GLT1D1: variants seen among roughly 807,000 people sequenced by gnomAD.
GLT1D1 encodes glycosyltransferase 1 domain containing 1, also known as glycosyltransferase 1 domain-containing protein 1.
Under a neutral mutation model 28.7 loss-of-function variants are expected in GLT1D1, and 21 were observed. That is an observed-to-expected ratio of 0.73 (90% CI 0.52 to 1.05). GLT1D1 has a LOEUF of 1.05. Among genes scored for constraint, GLT1D1 ranks in the 50% least tolerant of loss-of-function variants. The probability of loss-of-function intolerance (pLI) is 0.00; values close to 1 mark genes in which losing one functional copy is unlikely to be tolerated. For synonymous variants in GLT1D1, 147 were observed against 124.8 expected (o/e 1.18, Z -1.19); for missense variants, 343 against 330.6 (o/e 1.04, Z -0.29).
At chr12:128,909,361 G>A (rs771234781) in intron 4 of GLT1D1, among the ~76,000 whole-genome samples, 1 of 151,694 alleles carries the variant, frequency 6.6e-6, no homozygotes, top group Admixed American at 6.6e-5. Context: ...AGATTTCTAA[G>A]GGAAAAGAGT....
chr12:128,972,508 C>T (rs967573597), intron 7 of GLT1D1, among the ~76,000 whole-genome samples: 1 of 119,424 alleles, frequency 8.4e-6, no homozygotes, highest in African/African-American at 2.6e-5. Context: ...ACTGGGTGCT[C>T]CTCCTTTCAC....
At chr12:128,867,635 C>T (rs1235895235) in intron 1 of GLT1D1, among the ~76,000 whole-genome samples, 1 of 152,136 alleles carries the variant, frequency 6.6e-6, no homozygotes, top group African/African-American at 2.4e-5. Context: ...CCTCGGGGGT[C>T]CCCCAGCAGG....
intron 1 of GLT1D1, among the ~76,000 whole-genome samples, chr12:128,857,878 G>T (rs1364756833): frequency 6.6e-6 from 1 of 152,194 alleles, no homozygotes; most frequent in Non-Finnish European, 1.5e-5. Context: ...GAATGTATTG[G>T]CCTGGGAAGC....
At chr12:128,889,966 G>T (rs1288281733) in intron 3 of GLT1D1, among the ~76,000 whole-genome samples, 1 of 152,166 alleles carries the variant, frequency 6.6e-6, no homozygotes, top group Non-Finnish European at 1.5e-5. Flanking sequence ...GTAGAGACGG[G>T]GTTTCACCAT....
chr12:128,968,910 C>A (rs1878751636), intron 7 of GLT1D1, among the ~76,000 whole-genome samples: 1 of 152,118 alleles, frequency 6.6e-6, no homozygotes, highest in Admixed American at 6.5e-5. Context: ...CTGCTCTCCC[C>A]CTTCCCTGCT....
intron 1 of GLT1D1, among the ~76,000 whole-genome samples, chr12:128,858,258 C>G (rs1330432641): frequency 1.3e-5 from 2 of 152,122 alleles, no homozygotes; most frequent in Admixed American, 6.6e-5. Flanking sequence ...CAGTCTGACT[C>G]TGGCATAACA....
At chr12:128,947,034 C>T (rs1876194335) in intron 5 of GLT1D1, among the ~76,000 whole-genome samples, 1 of 152,160 alleles carries the variant, frequency 6.6e-6, no homozygotes, top group South Asian at 2.1e-4. Context: ...AAAATGTTCT[C>T]TAAATCATGC....
At chr12:128,934,701 T>C (rs769265778) in intron 4 of GLT1D1, among the ~76,000 whole-genome samples, 21 of 152,184 alleles carry the variant, frequency 1.4e-4, no homozygotes, top group Admixed American at 3.3e-4. Context: ...AAGGTCTCAC[T>C]AAGAGAATTC....
chr12:128,969,768 C>T (rs940030558), intron 7 of GLT1D1, among the ~76,000 whole-genome samples: 1 of 152,228 alleles, frequency 6.6e-6, no homozygotes, highest in African/African-American at 2.4e-5. Context: ...AGCTCAGTCC[C>T]CACCTCTGAG....
At chr12:128,882,369 C>T (rs1470463134) in intron 2 of GLT1D1, among the ~76,000 whole-genome samples, 1 of 151,294 alleles carries the variant, frequency 6.6e-6, no homozygotes, top group Non-Finnish European at 1.5e-5. Context: ...CTCCACCTCC[C>T]GGGTTCAAGC....
At chr12:128,950,922 C>T (rs1006678321) in intron 6 of GLT1D1, among the ~76,000 whole-genome samples, 10 of 152,116 alleles carry the variant, frequency 6.6e-5, no homozygotes, top group African/African-American at 2.4e-4. Context: ...AGGACCTGAA[C>T]TTCCAATTAG....
At chr12:128,951,986 C>A (rs1317650401) in intron 6 of GLT1D1, among the ~76,000 whole-genome samples, 2 of 152,264 alleles carry the variant, frequency 1.3e-5, no homozygotes, top group South Asian at 2.1e-4. Context: ...TCCTCCCCTG[C>A]GTCTCCCCGT....
intron 6 of GLT1D1, among the ~76,000 whole-genome samples, chr12:128,954,974 C>T (rs556766357): frequency 7.2e-5 from 11 of 152,248 alleles, no homozygotes; most frequent in East Asian, 3.9e-4. Flanking sequence ...GACCCTGTCC[C>T]GTCTTCCCCT....
intron 1 of GLT1D1, among the ~76,000 whole-genome samples, chr12:128,868,293 C>A (rs760993806): frequency 3.3e-5 from 5 of 152,186 alleles, no homozygotes; most frequent in Admixed American, 2.6e-4. Flanking sequence ...CAGAATTGAA[C>A]GTCTAGGGGT....
At chr12:128,952,031 A>G (rs937140203) in intron 6 of GLT1D1, among the ~76,000 whole-genome samples, 1 of 152,130 alleles carries the variant, frequency 6.6e-6, no homozygotes, top group Non-Finnish European at 1.5e-5. Context: ...GAGTGAGTTC[A>G]TGCCTTCTGT....
intron 1 of GLT1D1, among the ~76,000 whole-genome samples, chr12:128,875,054 T>TTG (rs376956933): frequency 0.11 from 15,750 of 143,780 alleles, 1,127 homozygotes; most frequent in African/African-American, 0.21. Context: ...GACATAAATA[T>TTG]TGTGTGTGTG....
At chr12:128,950,080 AGT>A (rs1876535046) in intron 6 of GLT1D1, among the ~76,000 whole-genome samples, 1 of 151,860 alleles carries the variant, frequency 6.6e-6, no homozygotes, top group Non-Finnish European at 1.5e-5. Context: ...AGTGTTTGTA[AGT>A]GTGTGTGTGG....
At chr12:128,921,631 G>A (rs940992379) in intron 4 of GLT1D1, among the ~76,000 whole-genome samples, 5 of 151,858 alleles carry the variant, frequency 3.3e-5, no homozygotes, top group Non-Finnish European at 7.4e-5. Context: ...TCTCTTCTCA[G>A]GGCCATCTTT....
At chr12:128,931,000 T>TC (rs1291854436) in intron 4 of GLT1D1, among the ~76,000 whole-genome samples, 1 of 149,536 alleles carries the variant, frequency 6.7e-6, no homozygotes, top group African/African-American at 2.5e-5. Context: ...CTACCACCCT[T>TC]TTTTTTTTTT....
Sources: allele counts gnomAD v4.1 joint callset (sites outside exome capture counted in the v4.1 genomes callset), GRCh38; gene constraint gnomAD v4.1.1; transcripts MANE v1.5; gene names NCBI Gene and HGNC (gene_info 2026-07-23, HGNC 2026-07-21).